The following NCAM2 variants were observed in gnomAD, a reference collection of about 807,000 sequenced individuals.
NCAM2 encodes the protein neural cell adhesion molecule 2.
Under a neutral mutation model 98.1 loss-of-function variants are expected in NCAM2, and 30 were observed. The observed-to-expected ratio is 0.31, with a 90% CI of 0.23 to 0.41. The LOEUF (loss-of-function observed/expected upper bound fraction) is 0.41, where lower values mean the gene tolerates loss of function less well. Ranked by LOEUF, NCAM2 falls within the 10% of genes least tolerant of loss-of-function variation. The pLI, the probability that NCAM2 is intolerant of heterozygous loss-of-function variation, is 1.00. For missense variants in NCAM2, 867 were observed against 1,005.8 expected (o/e 0.86, Z 1.87); for synonymous variants, 368 against 342.4 (o/e 1.07, Z -0.83).
intron 1 of NCAM2, among the ~76,000 whole-genome samples, chr21:21,009,726 A>G (rs186621316): frequency 2.0e-5 from 3 of 152,140 alleles, no homozygotes; most frequent in East Asian, 1.9e-4. Context: ...TATTCATTCT[A>G]TTGTTATTGG....
intron 1 of NCAM2, chr21:21,223,685 T>G (rs1011800938): frequency 2.0e-5 from 3 of 152,138 alleles, no homozygotes; most frequent in Admixed American, 2.0e-4. Context: ...ATTTTGTCAG[T>G]ACTGTGGAAG....
chr21:21,091,812 TAA>T (rs1029862331), intron 1 of NCAM2, among the ~76,000 whole-genome samples: 8 of 152,288 alleles, frequency 5.3e-5, no homozygotes, highest in African/African-American at 7.2e-5. Flanking sequence ...TTCCTGTAAT[TAA>T]GTTTCAATAT....
chr21:21,036,544 A>G (rs1199074459), intron 1 of NCAM2, among the ~76,000 whole-genome samples: 2 of 152,258 alleles, frequency 1.3e-5, no homozygotes. Flanking sequence ...TTATGGGCAC[A>G]GAAGTCATAT....
intron 9 of NCAM2, among the ~76,000 whole-genome samples, chr21:21,390,956 A>G (rs2076367671): frequency 6.6e-6 from 1 of 152,214 alleles, no homozygotes; most frequent in South Asian, 2.1e-4. Flanking sequence ...ACATATTGAT[A>G]AGAAAAACAA....
At chr21:21,216,926 G>A (rs550064691) in intron 1 of NCAM2, among the ~76,000 whole-genome samples, 1 of 152,296 alleles carries the variant, frequency 6.6e-6, no homozygotes, top group African/African-American at 2.4e-5. Context: ...GAAGCAGGTA[G>A]CTTGGAAACC....
At chr21:21,514,727 C>G (rs1418486954) in intron 16 of NCAM2, among the ~76,000 whole-genome samples, 1 of 152,052 alleles carries the variant, frequency 6.6e-6, no homozygotes, top group Non-Finnish European at 1.5e-5. Context: ...GAAAATAGCA[C>G]TAGTAATTTT....
chr21:21,488,375 C>A (rs910599700), intron 15 of NCAM2, among the ~76,000 whole-genome samples: 1 of 151,740 alleles, frequency 6.6e-6, no homozygotes, highest in Non-Finnish European at 1.5e-5. Context: ...TAGTTTCAAC[C>A]ACGTACAATT....
rs578033546 is a variant in NCAM2, at chr21:21,175,126, G to A, written c.56-105452G>A. Among the ~76,000 whole-genome samples, 9 of 152,184 alleles carry A rather than the reference G, an allele frequency of 5.9e-5. No homozygotes were observed. The South Asian group carries it at 1.2e-3, about 21-fold the overall frequency. ...TTGATATGTCTTTTGAGATGAGTCT[G>A]GTTAACAGAATAGATGGTAGAAGAG... On this transcript the variant is annotated intron_variant, in intron 1 of 17. Coordinates refer to ENST00000400546, the MANE Select transcript of NCAM2 (RefSeq NM_004540.5).
chr21:21,125,714 T>TATAGAG (rs1555887746), intron 1 of NCAM2, among the ~76,000 whole-genome samples: 9 of 134,404 alleles, frequency 6.7e-5, no homozygotes, highest in East Asian at 2.1e-4. Flanking sequence ...TATATATATA[T>TATAGAG]AGAGAGAGAG....
chr21:21,014,707 G>A (rs1459530696), intron 1 of NCAM2, among the ~76,000 whole-genome samples: 1 of 152,182 alleles, frequency 6.6e-6, no homozygotes, highest in African/African-American at 2.4e-5. Context: ...AGGGATCAAG[G>A]AGTAATTTTG....
rs369670865 is a variant in NCAM2, at chr21:21,326,756, C to A, written c.737+2256C>A. Among the ~76,000 whole-genome samples, 3 of 151,884 alleles carry A rather than the reference C, an allele frequency of 2.0e-5. No individual in the cohort carries two copies. In the East Asian group the frequency reaches 5.8e-4, roughly 29 times the overall value. On this transcript the variant is annotated intron_variant, in intron 6 of 17. Transcript: ENST00000400546. ...GAATGAAATAACAATTTATTGAAAA[C>A]CTAAATAATTGTTCTAGTCTCTGGA... is the stretch of plus-strand genomic sequence containing the variant.
chr21:21,397,103 T>C (rs1362022184), intron 9 of NCAM2, among the ~76,000 whole-genome samples: 1 of 152,182 alleles, frequency 6.6e-6, no homozygotes, highest in Non-Finnish European at 1.5e-5. Context: ...CTCTATCCAC[T>C]GGCAGGTCAT....
At chr21:21,464,945 C>G (rs1983482224) in intron 12 of NCAM2, among the ~76,000 whole-genome samples, 1 of 152,082 alleles carries the variant, frequency 6.6e-6, no homozygotes, top group South Asian at 2.1e-4. Context: ...GCCAATCAAT[C>G]TATTCCCAAT....
At chr21:21,048,862 A>G (rs1182326180) in intron 1 of NCAM2, among the ~76,000 whole-genome samples, 3 of 152,124 alleles carry the variant, frequency 2.0e-5, no homozygotes, top group African/African-American at 7.2e-5. Context: ...AGATCTGTGT[A>G]TCATGCATTC....
At chr21:21,385,396 A>ACACG (rs1395962556) in intron 9 of NCAM2, among the ~76,000 whole-genome samples, 1 of 60,746 alleles carries the variant, frequency 1.6e-5, no homozygotes, top group Middle Eastern at 6.4e-3. Context: ...ACACACACAC[A>ACACG]CACGCACACA....
At chr21:21,337,257 A>G (rs1306351941) in intron 7 of NCAM2, among the ~76,000 whole-genome samples, 1 of 152,068 alleles carries the variant, frequency 6.6e-6, no homozygotes, top group Non-Finnish European at 1.5e-5. Flanking sequence ...GATTTTTTAC[A>G]TTTCTGATAT....
At chr21:21,313,863 G>T (rs1401782177) in intron 5 of NCAM2, among the ~76,000 whole-genome samples, 1 of 151,890 alleles carries the variant, frequency 6.6e-6, no homozygotes, top group African/African-American at 2.4e-5. Flanking sequence ...TGTGGGGAGG[G>T]GGTGTTGCCG....
chr21:21,332,914 G>A (rs2074755831), intron 6 of NCAM2, among the ~76,000 whole-genome samples: 1 of 152,186 alleles, frequency 6.6e-6, no homozygotes, highest in South Asian at 2.1e-4. Flanking sequence ...GGAGCATATA[G>A]TTTATGTTAA....
chr21:21,281,474 CAT>C (rs983141584), intron 2 of NCAM2, among the ~76,000 whole-genome samples: 6 of 152,186 alleles, frequency 3.9e-5, no homozygotes, highest in African/African-American at 1.4e-4. Context: ...TGGAAAGAAT[CAT>C]ATGTCATCAT....
Sources: gnomAD v4.1 joint callset for allele counts (sites outside exome capture counted in the v4.1 genomes callset) on GRCh38, gnomAD v4.1.1 for gene constraint, MANE v1.5 for transcripts, NCBI Gene and HGNC (gene_info 2026-07-23, HGNC 2026-07-21) for gene names.